TRAPPC9: variants seen among roughly 807,000 people sequenced by gnomAD.
The protein encoded by TRAPPC9 is IKK2 binding protein.
TRAPPC9 carries 83 observed loss-of-function variants against 124.0 expected under a neutral mutation model. That is an observed-to-expected ratio of 0.67 (90% CI 0.56 to 0.80). The LOEUF is 0.80. Among genes scored for constraint, TRAPPC9 ranks in the 30% least tolerant of loss-of-function variants. The pLI is 0.00. For missense variants in TRAPPC9, 1,302 were observed against 1,508.3 expected (o/e 0.86, Z 2.27); for synonymous variants, 638 against 617.5 (o/e 1.03, Z -0.49).
At chr8:139,863,946 A>G (rs1828346704) in intron 21 of TRAPPC9, among the ~76,000 whole-genome samples, 1 of 152,216 alleles carries the variant, frequency 6.6e-6, no homozygotes, top group African/African-American at 2.4e-5. Flanking sequence ...AAAGCCCCAC[A>G]GTTCCCAGCC....
intron 17 of TRAPPC9, among the ~76,000 whole-genome samples, chr8:140,189,106 T>C (rs1220255517): frequency 6.6e-6 from 1 of 152,196 alleles, no homozygotes; most frequent in Admixed American, 6.5e-5. Flanking sequence ...TTCCCTCCTT[T>C]CCACCTTCAC....
intron 21 of TRAPPC9, among the ~76,000 whole-genome samples, chr8:139,807,323 G>T (rs1487319827): frequency 6.6e-6 from 1 of 152,178 alleles, no homozygotes; most frequent in Non-Finnish European, 1.5e-5. Flanking sequence ...CATTCCTCAT[G>T]ACCCATGCGT....
intron 21 of TRAPPC9, among the ~76,000 whole-genome samples, chr8:139,822,700 C>T (rs1252297130): frequency 2.6e-5 from 4 of 152,296 alleles, no homozygotes; most frequent in East Asian, 1.9e-4. Flanking sequence ...TGAGTGCATG[C>T]GTCCTCTCAG....
At chr8:140,363,508 C>T (rs1185626719) in intron 8 of TRAPPC9, among the ~76,000 whole-genome samples, 1 of 152,116 alleles carries the variant, frequency 6.6e-6, no homozygotes, top group African/African-American at 2.4e-5. Context: ...ATACAGCCAG[C>T]TGACATTTAT....
At chr8:139,954,093 G>A (rs1342652645) in intron 19 of TRAPPC9, among the ~76,000 whole-genome samples, 3 of 152,198 alleles carry the variant, frequency 2.0e-5, no homozygotes, top group African/African-American at 7.2e-5. Context: ...GTTATCTGCA[G>A]CGACAGGGAG....
At chr8:139,758,529 G>A (rs1278934636) in intron 21 of TRAPPC9, among the ~76,000 whole-genome samples, 1 of 152,190 alleles carries the variant, frequency 6.6e-6, no homozygotes, top group Non-Finnish European at 1.5e-5. Flanking sequence ...GGAGGCCGGG[G>A]GCAGGGGATG....
intron 17 of TRAPPC9, among the ~76,000 whole-genome samples, chr8:140,211,486 G>A (rs1260736297): frequency 6.6e-6 from 1 of 152,154 alleles, no homozygotes; most frequent in African/African-American, 2.4e-5. Context: ...TTGAGCCCAG[G>A]AGGTCAAGGC....
intron 17 of TRAPPC9, among the ~76,000 whole-genome samples, chr8:140,064,855 C>A (rs548011036): frequency 1.3e-5 from 2 of 152,182 alleles, no homozygotes; most frequent in Non-Finnish European, 2.9e-5. Context: ...AGACTCCCCC[C>A]ATTCACTGCA....
At chr8:140,031,192 T>G (rs1417279146) in intron 17 of TRAPPC9, among the ~76,000 whole-genome samples, 2 of 152,280 alleles carry the variant, frequency 1.3e-5, no homozygotes, top group East Asian at 3.9e-4. Context: ...TCCCGGGTTC[T>G]GCATCAGAAG....
chr8:140,249,228 T>C (rs2064066233), intron 16 of TRAPPC9, among the ~76,000 whole-genome samples: 1 of 152,194 alleles, frequency 6.6e-6, no homozygotes, highest in Admixed American at 6.5e-5. Flanking sequence ...GCCACCTTTA[T>C]GTCTGTGAGG....
intron 9 of TRAPPC9, among the ~76,000 whole-genome samples, chr8:140,328,307 A>G (rs950879652): frequency 1.3e-5 from 2 of 152,172 alleles, no homozygotes; most frequent in Non-Finnish European, 2.9e-5. Flanking sequence ...AAAATAAAAC[A>G]GTATCACTTA....
intron 3 of TRAPPC9, among the ~76,000 whole-genome samples, chr8:140,436,343 CA>C (rs2070813186): frequency 6.6e-6 from 1 of 151,254 alleles, no homozygotes; most frequent in Admixed American, 6.6e-5. Context: ...GAGACTGACT[CA>C]AAAAAATAAA....
At chr8:140,144,011 T>C (rs2061419848) in intron 17 of TRAPPC9, among the ~76,000 whole-genome samples, 1 of 152,250 alleles carries the variant, frequency 6.6e-6, no homozygotes, top group African/African-American at 2.4e-5. Context: ...CCTATAAATC[T>C]GATTTGGGGC....
chr8:140,432,620 C>G (rs1427825087), intron 4 of TRAPPC9, among the ~76,000 whole-genome samples: 1 of 152,222 alleles, frequency 6.6e-6, no homozygotes, highest in Non-Finnish European at 1.5e-5. Context: ...CGCCTGTAAT[C>G]CCAGCACTTT....
At chr8:140,418,205 T>A (rs189963118) in intron 5 of TRAPPC9, among the ~76,000 whole-genome samples, 378 of 152,190 alleles carry the variant, frequency 2.5e-3, no homozygotes, top group Middle Eastern at 6.8e-3. Context: ...GAACTTAAAG[T>A]ATAATAAAAA....
chr8:140,352,558 G>C (rs1162541028), intron 9 of TRAPPC9, among the ~76,000 whole-genome samples: 1 of 152,056 alleles, frequency 6.6e-6, no homozygotes, highest in African/African-American at 2.4e-5. Context: ...CTTAGGACTG[G>C]GCTGAACATT....
At chr8:139,824,163 T>A (rs938816472) in intron 21 of TRAPPC9, among the ~76,000 whole-genome samples, 1 of 152,170 alleles carries the variant, frequency 6.6e-6, no homozygotes, top group Non-Finnish European at 1.5e-5. Flanking sequence ...TTAAAGAAAG[T>A]GGTCAGGTCT....
At chr8:139,734,195 C>T (rs1205221989) in intron 21 of TRAPPC9, among the ~76,000 whole-genome samples, 1 of 152,196 alleles carries the variant, frequency 6.6e-6, no homozygotes. Context: ...CAGAGGATCT[C>T]GTGGCCAAGG....
At chr8:140,249,173 AC>A (rs11382806) in intron 16 of TRAPPC9, among the ~76,000 whole-genome samples, 7 of 151,876 alleles carry the variant, frequency 4.6e-5, no homozygotes, top group Admixed American at 3.9e-4. Flanking sequence ...TCCCTCCCTG[AC>A]CCCTCACTCC....
Sources: allele counts gnomAD v4.1 joint callset (sites outside exome capture counted in the v4.1 genomes callset), GRCh38; gene constraint gnomAD v4.1.1; transcripts MANE v1.5; gene names NCBI Gene and HGNC (gene_info 2026-07-23, HGNC 2026-07-21).